Variants in NYAP2 observed in about 807,000 individuals in gnomAD.
The protein encoded by NYAP2 is neuronal tyrosine-phosphorylated phosphoinositide-3-kinase adaptor 2, also known as neuronal tyrosine-phosphorylated phosphoinositide-3-kinase adapter 2.
NYAP2 carries 23 observed loss-of-function variants against 50.4 expected under a neutral mutation model. The ratio of observed to expected loss-of-function variants is 0.46; its 90% confidence interval spans 0.33 to 0.65. NYAP2 has a LOEUF of 0.65. Among genes scored for constraint, NYAP2 ranks in the 30% least tolerant of loss-of-function variants. The pLI, the probability that NYAP2 is intolerant of heterozygous loss-of-function variation, is 0.02. For synonymous variants in NYAP2, 394 were observed against 365.2 expected (o/e 1.08, Z -0.90); for missense variants, 885 against 861.0 (o/e 1.03, Z -0.35).
intron 4 of NYAP2, among the ~76,000 whole-genome samples, chr2:225,545,261 T>A (rs1182655752): frequency 6.6e-6 from 1 of 152,194 alleles, no homozygotes; most frequent in Admixed American, 6.5e-5. Flanking sequence ...CATTTTCCCT[T>A]TGAATAAACT....
chr2:225,566,877 C>T (rs1691970569), intron 4 of NYAP2, among the ~76,000 whole-genome samples: 1 of 152,030 alleles, frequency 6.6e-6, no homozygotes, highest in African/African-American at 2.4e-5. Flanking sequence ...GAGATAAAAC[C>T]ACTCATAGAT....
At chr2:225,685,247 C>T in the NYAP2 span, among the ~76,000 whole-genome samples, 1 of 152,076 alleles carries the variant, frequency 6.6e-6, no homozygotes, top group African/African-American at 2.4e-5. Context: ...AAGTGGCTCT[C>T]CCTCATTTAT....
rs533509969 is a variant in NYAP2, at chr2:225,449,462, G to A, written c.221+40361G>A. Among the ~76,000 whole-genome samples the A allele has an allele frequency of 3.3e-5, 5 of 152,326 alleles. 1 individual carries two copies. In the South Asian group the frequency reaches 1.0e-3, roughly 32 times the overall value. On this transcript the variant is annotated intron_variant, in intron 3 of 6. Transcript: ENST00000636099. ...TTGATATTGCAAAAACCGCAGTGAA[G>A]AGTGATAATATGAGATCATTAAATG...
the NYAP2 span, chr2:225,699,955 G>C: frequency 6.6e-6 from 1 of 151,772 alleles, no homozygotes; most frequent in African/African-American, 2.4e-5. Context: ...GATAGTATGT[G>C]GTTCTTTGTT....
intron 3 of NYAP2, among the ~76,000 whole-genome samples, chr2:225,495,101 A>G (rs540541603): frequency 6.6e-6 from 1 of 152,324 alleles, no homozygotes; most frequent in East Asian, 1.9e-4. Flanking sequence ...AGAAAATATT[A>G]GTAGGTCAAT....
chr2:225,665,933 C>T, the NYAP2 span, among the ~76,000 whole-genome samples: 1 of 151,244 alleles, frequency 6.6e-6, no homozygotes, highest in East Asian at 1.9e-4. Context: ...CCCACTCCCT[C>T]CCTCTCAGCT....
intron 4 of NYAP2, among the ~76,000 whole-genome samples, chr2:225,569,129 T>C (rs916298570): frequency 2.6e-5 from 4 of 152,068 alleles, no homozygotes; most frequent in African/African-American, 9.7e-5. Context: ...TTGGAGAACA[T>C]AAAGTGGCCT....
intron 4 of NYAP2, among the ~76,000 whole-genome samples, chr2:225,576,958 C>T (rs2106225650): frequency 6.6e-6 from 1 of 151,974 alleles, no homozygotes; most frequent in South Asian, 2.1e-4. Context: ...TGTTGTATCT[C>T]TTTTTTTCAC....
the NYAP2 span, among the ~76,000 whole-genome samples, chr2:225,674,819 C>T: frequency 2.0e-5 from 3 of 151,986 alleles, no homozygotes; most frequent in Admixed American, 6.6e-5. Context: ...GGAGATCTGT[C>T]GATCTTTGCC....
chr2:225,599,704 T>C (rs1692663913), intron 5 of NYAP2, among the ~76,000 whole-genome samples: 3 of 152,192 alleles, frequency 2.0e-5, no homozygotes, highest in Admixed American at 2.0e-4. Context: ...GTAAAACTGA[T>C]GGAAGAATTC....
In NYAP2 at chr2:225,488,231, G is replaced by A. The variant is rs6708115; in HGVS notation, c.222-25140G>A. 4.5e-3 allele frequency among the ~76,000 whole-genome samples: 681 copies of A among 152,266 alleles called. 2 individuals carry two copies. The highest frequency in any genetic ancestry group is 0.015 in the African/African-American group (637 of 41,550). On this transcript the variant is annotated intron_variant, in intron 3 of 6. Transcript: ENST00000636099. ...TGCTTGGCAGCTTATGCCTAATGAA[G>A]TCATAAGTGCCAGGAAAAGAATGAT...
intron 4 of NYAP2, among the ~76,000 whole-genome samples, chr2:225,533,764 ATAAAT>A: frequency 6.6e-6 from 1 of 152,328 alleles, no homozygotes; most frequent in East Asian, 1.9e-4. Flanking sequence ...CTCTGCTCCC[ATAAAT>A]TAAATAGTAG....
At chr2:225,662,931 C>T in the NYAP2 span, among the ~76,000 whole-genome samples, 88 of 152,312 alleles carry the variant, frequency 5.8e-4, no homozygotes, top group African/African-American at 2.1e-3. Flanking sequence ...CGATCGCAGT[C>T]TCCAGGCCTC....
intron 4 of NYAP2, among the ~76,000 whole-genome samples, chr2:225,561,285 G>A (rs920098931): frequency 3.3e-5 from 5 of 152,174 alleles, no homozygotes; most frequent in African/African-American, 7.2e-5. Context: ...CATGTACATC[G>A]CTGGGGGAAG....
chr2:225,696,604 T>G, the NYAP2 span, among the ~76,000 whole-genome samples: 1 of 151,948 alleles, frequency 6.6e-6, no homozygotes, highest in Non-Finnish European at 1.5e-5. Flanking sequence ...TTGATTTAGC[T>G]TTGTTCACAC....
intron 4 of NYAP2, 99 bp from the exon 5 acceptor site, chr2:225,581,842 C>T: frequency 8.5e-7 from 1 of 1,177,156 alleles, no homozygotes; most frequent in Non-Finnish European, 1.2e-6. Flanking sequence ...CTGTCTACCC[C>T]TCTGGCCTAA....
At chr2:225,689,005 G>T in the NYAP2 span, among the ~76,000 whole-genome samples, 2 of 152,156 alleles carry the variant, frequency 1.3e-5, no homozygotes, top group Non-Finnish European at 2.9e-5. Context: ...GCCTCCCAAA[G>T]TGCTGGGATT....
At chr2:225,398,556 T>C (rs151324186), upstream of NYAP2, among the ~76,000 whole-genome samples, 32 of 152,066 alleles carry the variant, frequency 2.1e-4, no homozygotes, top group East Asian at 6.0e-3. Context: ...TGGTGGCTGT[T>C]ACTAGTTTAT....
intron 6 of NYAP2, 70 bp from the exon 7 acceptor site, chr2:225,651,362 G>T (rs550432414): frequency 6.3e-7 from 1 of 1,592,488 alleles, no homozygotes; most frequent in African/African-American, 1.3e-5. Context: ...CAAACAGAAA[G>T]ACTGAAAAGC....
Sources: gnomAD v4.1 joint callset for allele counts (sites outside exome capture counted in the v4.1 genomes callset) on GRCh38, gnomAD v4.1.1 for gene constraint, MANE v1.5 for transcripts, NCBI Gene and HGNC (gene_info 2026-07-23, HGNC 2026-07-21) for gene names.